CDK14: variants seen among roughly 807,000 people sequenced by gnomAD.
The protein encoded by CDK14 is cyclin-dependent kinase 14.
A neutral mutation model predicts 60.7 loss-of-function variants in CDK14; 34 were observed. The observed-to-expected ratio is 0.56, with a 90% CI of 0.43 to 0.75. The LOEUF (loss-of-function observed/expected upper bound fraction) is 0.75, where lower values mean the gene tolerates loss of function less well. CDK14 is among the 30% of genes least tolerant of loss of function. The pLI, the probability that CDK14 is intolerant of heterozygous loss-of-function variation, is 0.00. For synonymous variants in CDK14, 197 were observed against 203.7 expected (o/e 0.97, Z 0.28); for missense variants, 482 against 564.1 (o/e 0.85, Z 1.47).
intron 4 of CDK14, among the ~76,000 whole-genome samples, chr7:90,784,175 A>C (rs959159736): frequency 3.3e-5 from 5 of 152,202 alleles, no homozygotes; most frequent in Admixed American, 3.3e-4. Context: ...CCAAGCACTA[A>C]GACAAATAGC....
intron 7 of CDK14, among the ~76,000 whole-genome samples, chr7:90,907,274 T>G (rs1792738995): frequency 1.3e-5 from 2 of 152,046 alleles, no homozygotes; most frequent in South Asian, 4.1e-4. Context: ...GTTTGAGCTA[T>G]CATAGTTGAA....
chr7:90,650,160 G>A (rs985318526), intron 2 of CDK14, among the ~76,000 whole-genome samples: 18 of 152,266 alleles, frequency 1.2e-4, no homozygotes, highest in South Asian at 4.1e-4. Flanking sequence ...TCTAACTGGC[G>A]TGAGATGGTA....
intron 14 of CDK14, among the ~76,000 whole-genome samples, chr7:91,177,553 A>G (rs924058567): frequency 2.6e-5 from 4 of 152,156 alleles, no homozygotes; most frequent in African/African-American, 7.2e-5. Context: ...TTGTATATCT[A>G]GAAAACCCCA....
intron 14 of CDK14, among the ~76,000 whole-genome samples, chr7:91,173,819 C>A (rs1306553740): frequency 6.6e-6 from 1 of 152,208 alleles, no homozygotes; most frequent in South Asian, 2.1e-4. Context: ...CCCACGGAGT[C>A]TCGCTGATTG....
At chr7:90,876,146 A>G (rs546939286) in intron 6 of CDK14, among the ~76,000 whole-genome samples, 9 of 152,246 alleles carry the variant, frequency 5.9e-5, no homozygotes, top group African/African-American at 2.2e-4. Context: ...GTCATTATGA[A>G]TTTCACTGTA....
intron 11 of CDK14, among the ~76,000 whole-genome samples, chr7:91,046,846 A>AT (rs1388355820): frequency 6.6e-6 from 1 of 152,132 alleles, no homozygotes; most frequent in Non-Finnish European, 1.5e-5. Context: ...CAAGTGTATT[A>AT]TTTTGCTTCT....
rs1015511280 is a variant in CDK14 at position 90,659,120 on chromosome 7, C to G, written c.123+54871C>G. On this transcript the variant is annotated intron_variant, in intron 2 of 14. Transcript: ENST00000380050. ...AAAAGAATGCATGACAGTCTTTCCTCTTATGTCTTTCTTCTTACATTTGTT... is the reference window on the plus strand; with the variant it reads ...AAAAGAATGCATGACAGTCTTTCCTGTTATGTCTTTCTTCTTACATTTGTT... 3.3e-5 allele frequency among the ~76,000 whole-genome samples: 5 copies of G among 152,304 alleles called. No homozygotes were observed. In the South Asian group the frequency reaches 8.3e-4, roughly 25 times the overall value.
chr7:90,659,298 C>T (rs186528909), intron 2 of CDK14, among the ~76,000 whole-genome samples: 62 of 152,262 alleles, frequency 4.1e-4, no homozygotes, highest in African/African-American at 1.4e-3. Flanking sequence ...GGAAAATTCA[C>T]GAACCCAAAG....
In CDK14 at chr7:90,604,235, A is replaced by T; in HGVS notation, c.109A>T (p.Thr37Ser). 1 of 1,542,188 alleles carries T rather than the reference A, an allele frequency of 6.5e-7. No individual in the cohort carries two copies. The highest frequency in any genetic ancestry group is 8.8e-7 in the Non-Finnish European group (1 of 1,136,830). ...FSRIALKKDD[T>S]TFDEICVTKM... ...TTTTATAGCTTTGAAGAAAGATGAC[A>T]CCACCTTTGATGAGGTAGGTTAAAT... The change falls in exon 2 of 15, where the codon ACC (threonine) becomes TCC (serine). Residue 37 changes from threonine to serine, a missense_variant. Physicochemically the swap from Thr to Ser is moderately conservative, Grantham distance 58 (BLOSUM62 1). Transcript: ENST00000380050.
In CDK14 at chr7:91,144,985, A is replaced by C. The variant is rs142533239; in HGVS notation, c.*28+26777A>C. Among the ~76,000 whole-genome samples the C allele has an allele frequency of 3.7e-3, 562 of 152,308 alleles. 1 individual carries two copies. The highest frequency in any genetic ancestry group is 0.012 in the African/African-American group (488 of 41,572). ...CCTTCCTAAGGATTTGAACACTCAG[A>C]TGGATCGCACTACTTTCCTTTCATT... On this transcript the variant is annotated intron_variant, in intron 14 of 14. Transcript: ENST00000380050.
chr7:90,971,413 A>G (rs748092952), intron 9 of CDK14, among the ~76,000 whole-genome samples: 11 of 152,230 alleles, frequency 7.2e-5, no homozygotes, highest in Admixed American at 1.3e-4. Context: ...ACTCTGCCTG[A>G]CTTCTCAAAG....
intron 12 of CDK14, among the ~76,000 whole-genome samples, chr7:91,100,478 A>G (rs569725393): frequency 6.6e-6 from 1 of 152,218 alleles, no homozygotes; most frequent in Non-Finnish European, 1.5e-5. Context: ...TAAATAAACG[A>G]GGGCTCTTGT....
chr7:90,951,207 TA>T (rs1453376047), intron 8 of CDK14, among the ~76,000 whole-genome samples: 1 of 152,168 alleles, frequency 6.6e-6, no homozygotes, highest in Non-Finnish European at 1.5e-5. Context: ...AGTCAAGTGA[TA>T]AAGGAACCTT....
At chr7:90,651,206 T>C (rs528575633) in intron 2 of CDK14, among the ~76,000 whole-genome samples, 2 of 152,306 alleles carry the variant, frequency 1.3e-5, no homozygotes, top group African/African-American at 2.4e-5. Flanking sequence ...GGTATTTTAT[T>C]CTCTTTGAAG....
intron 5 of CDK14, among the ~76,000 whole-genome samples, chr7:90,800,468 A>T (rs73220818): frequency 0.016 from 2,480 of 152,048 alleles, 30 homozygotes; most frequent in South Asian, 0.045. Context: ...GGAAAATAAG[A>T]CTGATTTTAA....
At chr7:91,171,902 C>G (rs1216732360) in intron 14 of CDK14, among the ~76,000 whole-genome samples, 1 of 152,170 alleles carries the variant, frequency 6.6e-6, no homozygotes, top group Non-Finnish European at 1.5e-5. Flanking sequence ...CCACCTCGAC[C>G]TCTCAAAGTA....
intron 2 of CDK14, chr7:90,632,032 A>G (rs17869691): frequency 2.0e-5 from 3 of 149,284 alleles, no homozygotes; most frequent in African/African-American, 7.5e-5. Flanking sequence ...CCAAAAAAAA[A>G]TTAGACACCC....
At chr7:91,066,830 C>T (rs768836203) in intron 11 of CDK14, among the ~76,000 whole-genome samples, 1 of 152,186 alleles carries the variant, frequency 6.6e-6, no homozygotes, top group East Asian at 1.9e-4. Context: ...GATTTCTTCT[C>T]GGCAAGCTCT....
intron 7 of CDK14, among the ~76,000 whole-genome samples, chr7:90,913,234 G>A (rs113259852): frequency 2.6e-5 from 4 of 152,256 alleles, no homozygotes; most frequent in African/African-American, 7.2e-5. Context: ...AGAAGAACTC[G>A]CTAAAGCTTG....
Sources: gnomAD v4.1 joint callset for allele counts (sites outside exome capture counted in the v4.1 genomes callset) on GRCh38, gnomAD v4.1.1 for gene constraint, MANE v1.5 for transcripts, NCBI Gene and HGNC (gene_info 2026-07-23, HGNC 2026-07-21) for gene names.